GALNT13: variants seen among roughly 807,000 people sequenced by gnomAD.
GALNT13 encodes the protein polypeptide N-acetylgalactosaminyltransferase 13, also known as UDP-GalNAc:polypeptide N-acetylgalactosaminyltransferase 13.
GALNT13 carries 28 observed loss-of-function variants against 64.2 expected under a neutral mutation model. The observed-to-expected ratio is 0.44, with a 90% confidence interval of 0.32 to 0.60. The LOEUF (loss-of-function observed/expected upper bound fraction) is 0.60. Among genes scored for constraint, GALNT13 ranks in the 20% least tolerant of loss-of-function variants. The pLI is 0.05. For synonymous variants in GALNT13, 214 were observed against 224.6 expected (o/e 0.95, Z 0.42); for missense variants, 577 against 669.8 (o/e 0.86, Z 1.53).
intron 8 of GALNT13, among the ~76,000 whole-genome samples, chr2:154,271,520 G>A (rs904652082): frequency 6.6e-6 from 1 of 151,834 alleles, no homozygotes; most frequent in Non-Finnish European, 1.5e-5. Context: ...GGCATTTGAG[G>A]AACAGAATAC....
At chr2:153,522,062 G>T in the GALNT13 span, among the ~76,000 whole-genome samples, 1 of 151,988 alleles carries the variant, frequency 6.6e-6, no homozygotes, top group African/African-American at 2.4e-5. Context: ...AATAAAAGAG[G>T]AGCACATCAT....
chr2:154,211,651 A>AAAAAAAAG (rs1687777905), intron 4 of GALNT13, among the ~76,000 whole-genome samples: 1 of 147,800 alleles, frequency 6.8e-6, no homozygotes, highest in African/African-American at 2.5e-5. Context: ...AAAAAAAAAA[A>AAAAAAAAG]AAAAGAAAAG....
chr2:153,733,374 C>T, the GALNT13 span, among the ~76,000 whole-genome samples: 2 of 152,156 alleles, frequency 1.3e-5, no homozygotes, highest in East Asian at 3.9e-4. Context: ...ATGGCAGGGT[C>T]TGTATTTGTT....
At chr2:154,387,883 A>G (rs1698592048) in intron 9 of GALNT13, among the ~76,000 whole-genome samples, 1 of 152,170 alleles carries the variant, frequency 6.6e-6, no homozygotes, top group East Asian at 1.9e-4. Context: ...GCAGTGAACA[A>G]GCGAGTGCAG....
the GALNT13 span, among the ~76,000 whole-genome samples, chr2:153,336,820 C>A: frequency 2.6e-5 from 4 of 152,152 alleles, no homozygotes; most frequent in Admixed American, 1.3e-4. Context: ...CCATCCAAAT[C>A]TCAGCTTGAA....
At chr2:153,344,417 G>T in the GALNT13 span, among the ~76,000 whole-genome samples, 1 of 152,138 alleles carries the variant, frequency 6.6e-6, no homozygotes, top group African/African-American at 2.4e-5. Context: ...TTTGTCTAAT[G>T]TTTCCTCACA....
At chr2:153,070,643 A>G in the GALNT13 span, among the ~76,000 whole-genome samples, 246 of 152,322 alleles carry the variant, frequency 1.6e-3, 2 homozygotes, top group Non-Finnish European at 2.3e-3. Context: ...AGTAAAGTCT[A>G]TTAATTATGT....
At chr2:153,148,189 A>C in the GALNT13 span, among the ~76,000 whole-genome samples, 1 of 151,868 alleles carries the variant, frequency 6.6e-6, no homozygotes, top group South Asian at 2.1e-4. Flanking sequence ...AATGCTTCAT[A>C]TTTCATCTTT....
At chr2:153,939,186 G>T (rs1691161840) in intron 2 of GALNT13, among the ~76,000 whole-genome samples, 1 of 152,174 alleles carries the variant, frequency 6.6e-6, no homozygotes, top group Non-Finnish European at 1.5e-5. Context: ...AGCTCGTGGT[G>T]ATGTGACATT....
At chr2:153,244,644 T>G in the GALNT13 span, among the ~76,000 whole-genome samples, 1 of 152,220 alleles carries the variant, frequency 6.6e-6, no homozygotes, top group African/African-American at 2.4e-5. Context: ...AGATCAGGAC[T>G]GGGGTTCCAG....
At chr2:153,613,131 C>T in the GALNT13 span, among the ~76,000 whole-genome samples, 108 of 152,226 alleles carry the variant, frequency 7.1e-4, 1 homozygote, top group African/African-American at 2.6e-3. Context: ...AGCACCCTAA[C>T]TGATACAGAC....
chr2:154,327,430 TA>T, intron 9 of GALNT13, among the ~76,000 whole-genome samples: 1 of 152,126 alleles, frequency 6.6e-6, no homozygotes, highest in Non-Finnish European at 1.5e-5. Context: ...GTTTTTAAGT[TA>T]AAATTGTCTG....
intron 3 of GALNT13, among the ~76,000 whole-genome samples, chr2:154,028,514 T>C (rs1698130641): frequency 6.6e-6 from 1 of 152,144 alleles, no homozygotes. Flanking sequence ...AATGTATTTG[T>C]CCTTCTCTTC....
chr2:153,596,028 A>G, the GALNT13 span, among the ~76,000 whole-genome samples: 1 of 152,204 alleles, frequency 6.6e-6, no homozygotes, highest in Non-Finnish European at 1.5e-5. Context: ...GGGTGGGTAT[A>G]TGACCATCTG....
chr2:154,329,048 C>T lies in GALNT13; in HGVS notation c.1156+27459C>T, dbSNP rs548185279. Reference sequence around the variant, plus strand: ...GTATTCTATATACTTTGTACTACTACTTTGTTGGCTTATAGATGTTGAAAG... The same window carrying T: ...GTATTCTATATACTTTGTACTACTATTTTGTTGGCTTATAGATGTTGAAAG... On this transcript the variant is annotated intron_variant, in intron 9 of 12. Transcript: ENST00000392825. Among the ~76,000 whole-genome samples the T allele has an allele frequency of 3.9e-5, 6 of 152,144 alleles. No individual in the cohort carries two copies. In the East Asian group the frequency reaches 9.7e-4, roughly 25 times the overall value.
chr2:154,366,318 A>G (rs1390612008), intron 9 of GALNT13, among the ~76,000 whole-genome samples: 1 of 152,200 alleles, frequency 6.6e-6, no homozygotes, highest in Non-Finnish European at 1.5e-5. Flanking sequence ...AGAAAATATA[A>G]TGTACATGTG....
chr2:154,038,800 A>G (rs1222402896), intron 3 of GALNT13, among the ~76,000 whole-genome samples: 2 of 152,154 alleles, frequency 1.3e-5, no homozygotes, highest in Non-Finnish European at 2.9e-5. Flanking sequence ...ACAGCAAAGG[A>G]AAAAACCGAG....
intron 9 of GALNT13, among the ~76,000 whole-genome samples, chr2:154,327,230 T>C (rs1227035742): frequency 6.6e-6 from 1 of 152,066 alleles, no homozygotes. Context: ...CTTGTGAAGG[T>C]CGCCTTTGCC....
chr2:154,232,768 C>T (rs116688358), intron 4 of GALNT13, among the ~76,000 whole-genome samples: 3,532 of 151,574 alleles, frequency 0.023, 120 homozygotes, highest in African/African-American at 0.073. Context: ...TGCAGTGGCT[C>T]AGGCCTGTAA....
Sources: allele counts gnomAD v4.1 joint callset (sites outside exome capture counted in the v4.1 genomes callset), GRCh38; gene constraint gnomAD v4.1.1; transcripts MANE v1.5; gene names NCBI Gene and HGNC (gene_info 2026-07-23, HGNC 2026-07-21).